LIMS1: variants seen among roughly 807,000 people sequenced by gnomAD.
The protein encoded by LIMS1 is LIM zinc finger domain containing 1.
LIMS1 carries 18 observed loss-of-function variants against 44.1 expected under a neutral mutation model. The observed-to-expected ratio is 0.41, with a 90% CI of 0.28 to 0.61. The LOEUF (loss-of-function observed/expected upper bound fraction) is 0.61. Ranked by LOEUF, LIMS1 falls within the 20% of genes least tolerant of loss-of-function variation. The pLI is 0.32. For synonymous variants in LIMS1, 93 were observed against 149.1 expected, an observed-to-expected ratio of 0.62 and a Z score of 2.74; for missense variants, 201 against 422.0, an observed-to-expected ratio of 0.48 and a Z score of 4.59.
chr2:108,669,024 A>G (rs1203304116), intron 2 of LIMS1, among the ~76,000 whole-genome samples: 2 of 152,184 alleles, frequency 1.3e-5, no homozygotes, highest in Non-Finnish European at 2.9e-5. Context: ...ACTTGAGCCC[A>G]AGCGTTCAAG....
rs545722622 is a variant in LIMS1 at position 108,682,414 on chromosome 2, C to T, written c.900-1471C>T. 7.9e-5 allele frequency among the ~76,000 whole-genome samples: 12 copies of T among 152,198 alleles called. No homozygotes were observed. The South Asian group carries it at 1.9e-3, about 24-fold the overall frequency. ...ACTCGCGAGGCTGAGACAGGAGAATCGCTTGAACCTGAGAGGCGGAGGTTG... is the reference window on the plus strand; with the variant it reads ...ACTCGCGAGGCTGAGACAGGAGAATTGCTTGAACCTGAGAGGCGGAGGTTG... On this transcript the variant is annotated intron_variant, in intron 9 of 9. Transcript: ENST00000544547.
intron 1 of LIMS1, among the ~76,000 whole-genome samples, chr2:108,618,637 C>T (rs528697614): frequency 7.9e-5 from 12 of 151,946 alleles, no homozygotes; most frequent in Non-Finnish European, 1.8e-4. Flanking sequence ...CCATCTTGGC[C>T]AACATGGTGA....
intron 1 of LIMS1, among the ~76,000 whole-genome samples, chr2:108,557,913 A>G (rs1210756849): frequency 6.6e-6 from 1 of 152,246 alleles, no homozygotes; most frequent in African/African-American, 2.4e-5. Context: ...AAATTGGTTT[A>G]TTTCTACTAA....
At chr2:108,629,448 A>G (rs564577630) in intron 1 of LIMS1, among the ~76,000 whole-genome samples, 47 of 152,346 alleles carry the variant, frequency 3.1e-4, no homozygotes, top group Non-Finnish European at 5.1e-4. Flanking sequence ...TAGAGGTTGG[A>G]TTATTTCAAA....
chr2:108,632,416 A>G (rs532604893), intron 1 of LIMS1, among the ~76,000 whole-genome samples: 13 of 152,136 alleles, frequency 8.5e-5, no homozygotes, highest in Non-Finnish European at 1.5e-4. Flanking sequence ...ACCATGTTAA[A>G]AGTTAAGTGC....
At chr2:108,640,230 T>G (rs1689574455) in intron 1 of LIMS1, among the ~76,000 whole-genome samples, 1 of 152,140 alleles carries the variant, frequency 6.6e-6, no homozygotes, top group South Asian at 2.1e-4. Context: ...GATTTCAGTC[T>G]TTCTCCTTTC....
chr2:108,664,359 A>G (rs1383206676), intron 2 of LIMS1, among the ~76,000 whole-genome samples: 4 of 152,232 alleles, frequency 2.6e-5, no homozygotes, highest in African/African-American at 9.6e-5. Context: ...GAATATTTAC[A>G]GAACTCCAAA....
chr2:108,572,021 C>A (rs182926093), intron 1 of LIMS1, among the ~76,000 whole-genome samples: 152 of 152,194 alleles, frequency 1.0e-3, no homozygotes, highest in African/African-American at 3.4e-3. Flanking sequence ...TGTAGCAATG[C>A]CAAAACTGTA....
At chr2:108,549,279 C>CTTTTTTTTTTTTTTTTT (rs71381966) in intron 1 of LIMS1, among the ~76,000 whole-genome samples, 4 of 55,792 alleles carry the variant, frequency 7.2e-5, no homozygotes, top group Non-Finnish European at 1.2e-4. Context: ...TAAAGTGTTT[C>CTTTTTTTTTTTTTTTTT]TTTTTTTTTT....
chr2:108,559,282 A>G (rs1275448156), intron 1 of LIMS1, among the ~76,000 whole-genome samples: 1 of 152,190 alleles, frequency 6.6e-6, no homozygotes, highest in Admixed American at 6.6e-5. Flanking sequence ...GGTTCCTGAG[A>G]ATTGTTAAAT....
At chr2:108,604,395 T>C (rs1192840782) in intron 1 of LIMS1, among the ~76,000 whole-genome samples, 1 of 152,218 alleles carries the variant, frequency 6.6e-6, no homozygotes, top group Non-Finnish European at 1.5e-5. Flanking sequence ...ACAAAGACTT[T>C]ATAGCCTGCA....
chr2:108,606,732 G>A (rs1025022993), intron 1 of LIMS1, among the ~76,000 whole-genome samples: 5 of 152,202 alleles, frequency 3.3e-5, no homozygotes, highest in Non-Finnish European at 5.9e-5. Flanking sequence ...AGCTTCCACT[G>A]CCTCCCTGGG....
chr2:108,539,911 C>T (rs1179321299), intron 1 of LIMS1, among the ~76,000 whole-genome samples: 1 of 151,980 alleles, frequency 6.6e-6, no homozygotes, highest in Non-Finnish European at 1.5e-5. Flanking sequence ...TGAGTTCTTA[C>T]CTTCGAATTT....
chr2:108,572,107 A>G (rs771298473), intron 1 of LIMS1, among the ~76,000 whole-genome samples: 7 of 152,186 alleles, frequency 4.6e-5, no homozygotes, highest in Non-Finnish European at 8.8e-5. Flanking sequence ...TAAAGCCACT[A>G]GAAAAGTTAT....
At chr2:108,681,582 GT>G in intron 9 of LIMS1, 1 of 962,162 alleles carries the variant, frequency 1.0e-6, no homozygotes, top group Admixed American at 6.2e-5. Flanking sequence ...TATAAGTGTT[GT>G]TTGATATTTT....
intron 1 of LIMS1, among the ~76,000 whole-genome samples, chr2:108,566,080 G>T (rs184269350): frequency 8.3e-4 from 127 of 152,280 alleles, no homozygotes; most frequent in Non-Finnish European, 1.7e-3. Context: ...TGTGTTGCTA[G>T]CTCTGTTTCA....
rs546702344 is a variant in LIMS1 at position 108,670,679 on chromosome 2, ACT to A, written c.193-99_193-98del. ...TAGAGTTATAAATTCTTAGAGTAGA[ACT>A]CTTAGTTTAGAAACATCTTTCCTGT... is the stretch of plus-strand genomic sequence containing the variant. On this transcript the variant is annotated intron_variant, in intron 2 of 9. Transcript: ENST00000544547. The A allele has an allele frequency of 7.0e-4, 512 of 732,162 alleles. 4 individuals carry two copies. The African/African-American group carries it at 7.7e-3, about 11-fold the overall frequency. 45.4% of individuals were successfully genotyped at this position (732,162 alleles called of 1,614,324 possible).
intron 1 of LIMS1, among the ~76,000 whole-genome samples, chr2:108,586,617 A>C (rs1469561588): frequency 6.6e-6 from 1 of 152,242 alleles, no homozygotes; most frequent in Non-Finnish European, 1.5e-5. Context: ...GGACCCATCC[A>C]TGAGTAGAGA....
intron 1 of LIMS1, among the ~76,000 whole-genome samples, chr2:108,542,615 A>G (rs929496749): frequency 2.0e-5 from 3 of 152,178 alleles, no homozygotes; most frequent in Non-Finnish European, 4.4e-5. Context: ...CAGACAACCT[A>G]TCCAGTTTTA....
Sources: gnomAD v4.1 joint callset for allele counts (sites outside exome capture counted in the v4.1 genomes callset) on GRCh38, gnomAD v4.1.1 for gene constraint, MANE v1.5 for transcripts, NCBI Gene and HGNC (gene_info 2026-07-23, HGNC 2026-07-21) for gene names.